Variants in PTGFRN observed in about 807,000 individuals in gnomAD.
PTGFRN encodes prostaglandin F2 receptor negative regulator.
A neutral mutation model predicts 83.2 loss-of-function variants in PTGFRN; 35 were observed. The ratio of observed to expected loss-of-function variants is 0.42; its 90% CI spans 0.32 to 0.56. The LOEUF is 0.56. Among genes scored for constraint, PTGFRN ranks in the 20% least tolerant of loss-of-function variants. The probability of loss-of-function intolerance (pLI) is 0.11; values close to 1 mark genes in which losing one functional copy is unlikely to be tolerated. For missense variants in PTGFRN, 1,051 were observed against 1,179.5 expected (o/e 0.89, Z 1.60); for synonymous variants, 519 against 498.6 (o/e 1.04, Z -0.55).
At position 116,986,701 on chromosome 1, in the gene PTGFRN, T is replaced by G. The variant is rs1651496504; in HGVS notation, c.2474-100T>G. On this transcript the variant is annotated intron_variant, in intron 8 of 8. Transcript: ENST00000393203. ...TGCAGGAGGAATGAGACCTTATCTC[T>G]CGGGAGATCCTGCTCCAGTGGGGAA... 9 of 1,206,092 alleles carry G rather than the reference T, an allele frequency of 7.5e-6. No homozygotes were observed. The Admixed American group carries it at 9.5e-5, about 13-fold the overall frequency. 74.7% of individuals were successfully genotyped at this position (1,206,092 alleles called of 1,614,324 possible). A position where few individuals can be genotyped will look rare whatever the true frequency, so the allele number is the denominator to read the frequency against.
intron 6 of PTGFRN, among the ~76,000 whole-genome samples, chr1:116,970,347 A>G (rs1570673956): frequency 6.6e-6 from 1 of 152,000 alleles, no homozygotes; most frequent in African/African-American, 2.4e-5. Flanking sequence ...TGTCATGGAA[A>G]GGTGTTGAAT....
chr1:116,977,127 G>A (rs894005659), intron 7 of PTGFRN, among the ~76,000 whole-genome samples: 2 of 151,734 alleles, frequency 1.3e-5, no homozygotes, highest in African/African-American at 4.8e-5. Context: ...AGACAAAGAA[G>A]GCCATTACAT....
intron 4 of PTGFRN, among the ~76,000 whole-genome samples, chr1:116,959,643 T>C (rs1650591704): frequency 6.6e-6 from 1 of 152,162 alleles, no homozygotes; most frequent in South Asian, 2.1e-4. Flanking sequence ...TAGTATTATT[T>C]TTCTCCCAGA....
At chr1:116,981,775 C>T (rs2101090892) in intron 7 of PTGFRN, among the ~76,000 whole-genome samples, 1 of 152,376 alleles carries the variant, frequency 6.6e-6, no homozygotes, top group African/African-American at 2.4e-5. Flanking sequence ...ATGGGCATAG[C>T]TGTGTTCAGT....
intron 1 of PTGFRN, among the ~76,000 whole-genome samples, chr1:116,928,605 T>A (rs1172792245): frequency 6.6e-6 from 1 of 152,216 alleles, no homozygotes; most frequent in Non-Finnish European, 1.5e-5. Context: ...CATCTGAGAT[T>A]CCAGCAAAGT....
intron 7 of PTGFRN, among the ~76,000 whole-genome samples, chr1:116,982,850 C>G (rs1557751314): frequency 1.3e-5 from 2 of 152,168 alleles, no homozygotes; most frequent in African/African-American, 4.8e-5. Context: ...TTCCATCAGC[C>G]TAAGCCCGGC....
rs1557954329 is a variant in PTGFRN, at chr1:116,910,229, T to TGCTGCTGGC, written c.30_38dup (p.Ala12_Leu14dup). The TGCTGCTGGC allele has an allele frequency of 1.0e-5, 15 of 1,455,478 alleles. No individual in the cohort carries two copies. Among genetic ancestry groups the TGCTGCTGGC allele is most frequent in the Non-Finnish European group, 1.4e-5 (15 of 1,110,640 alleles). 90.2% of individuals were successfully genotyped at this position (1,455,478 alleles called of 1,614,324 possible). A position where few individuals can be genotyped will look rare whatever the true frequency, so the allele number is the denominator to read the frequency against. ...ATGGGGCGCCTGGCCTCGAGGCCGC[T>TGCTGCTGGC]GCTGCTGGCGCTCCTGTCGTTGGGT... On this transcript the variant is annotated inframe_insertion, in exon 1 of 9. Coordinates refer to ENST00000393203, the MANE Select transcript of PTGFRN (RefSeq NM_020440.4).
intron 1 of PTGFRN, among the ~76,000 whole-genome samples, chr1:116,916,553 G>T (rs116004327): frequency 0.013 from 1,967 of 152,306 alleles, 32 homozygotes; most frequent in South Asian, 0.016. Flanking sequence ...TTTCAGGTGG[G>T]TTGTCATGAT....
At chr1:116,985,810 A>G (rs1651460110) in intron 8 of PTGFRN, among the ~76,000 whole-genome samples, 1 of 152,150 alleles carries the variant, frequency 6.6e-6, no homozygotes, top group Non-Finnish European at 1.5e-5. Flanking sequence ...TTGGCCCACG[A>G]TGAACACCAG....
chr1:116,972,509 C>G (rs1319203943), intron 6 of PTGFRN, among the ~76,000 whole-genome samples: 1 of 152,108 alleles, frequency 6.6e-6, no homozygotes, highest in East Asian at 1.9e-4. Flanking sequence ...AAAATATAGC[C>G]CTTTCATCAT....
At chr1:116,934,613 T>C (rs1405836847) in intron 1 of PTGFRN, among the ~76,000 whole-genome samples, 1 of 152,198 alleles carries the variant, frequency 6.6e-6, no homozygotes, top group Non-Finnish European at 1.5e-5. Context: ...AAATTAATTA[T>C]AGTTAGTTTA....
At chr1:116,976,246 A>C (rs1651152712) in intron 7 of PTGFRN, among the ~76,000 whole-genome samples, 2 of 152,254 alleles carry the variant, frequency 1.3e-5, no homozygotes, top group African/African-American at 4.8e-5. Flanking sequence ...TCTGTGTCTG[A>C]TTGGTGTACC....
chr1:116,941,953 G>A lies in PTGFRN; in HGVS notation c.288G>A (p.Arg96=), dbSNP rs999372120. 1.9e-6 allele frequency: 3 copies of A among 1,614,068 alleles called. No individual in the cohort carries two copies. Among genetic ancestry groups the A allele is most frequent in the Non-Finnish European group, 2.5e-6 (3 of 1,180,040 alleles). Reference sequence around the variant, plus strand: ...AGAGGGGCGAGATCCTGTTAAGGCGGACTGCCAACGACGCCGTGGAGCTCC... The same window carrying A: ...AGAGGGGCGAGATCCTGTTAAGGCGAACTGCCAACGACGCCGTGGAGCTCC... The part of the protein sequence containing the change: ...RLQRGEILLR[R]TANDAVELHI... Residue 96 remains arginine, a synonymous_variant, in exon 2 of 9, where the codon CGG becomes CGA. Coordinates refer to ENST00000393203, the MANE Select transcript of PTGFRN (RefSeq NM_020440.4). This position sits in a 1 kb window ranked among gnomAD's most constrained non-coding sequence, Gnocchi z 5.0.
intron 6 of PTGFRN, 69 bp downstream of exon 6, chr1:116,967,399 T>G: frequency 6.8e-7 from 1 of 1,467,480 alleles, no homozygotes; most frequent in Non-Finnish European, 9.2e-7. Flanking sequence ...TCAGATGCCC[T>G]CATTTTTTAA....
At chr1:116,938,478 C>T (rs1406924833) in intron 1 of PTGFRN, among the ~76,000 whole-genome samples, 1 of 152,150 alleles carries the variant, frequency 6.6e-6, no homozygotes, top group African/African-American at 2.4e-5. Context: ...GGAACCTCCC[C>T]TTTTTATAAC....
chr1:116,971,945 C>G (rs1166981702), intron 6 of PTGFRN, among the ~76,000 whole-genome samples: 1 of 152,180 alleles, frequency 6.6e-6, no homozygotes, highest in Non-Finnish European at 1.5e-5. Context: ...AGAAAAGCCC[C>G]TCAGTGTAGT....
intron 1 of PTGFRN, among the ~76,000 whole-genome samples, chr1:116,927,422 G>A (rs1431779636): frequency 6.6e-6 from 1 of 151,836 alleles, no homozygotes; most frequent in East Asian, 1.9e-4. Flanking sequence ...TGCTTTACTA[G>A]TAAGAAGGAA....
intron 7 of PTGFRN, among the ~76,000 whole-genome samples, chr1:116,981,665 G>T (rs772477441): frequency 1.3e-5 from 2 of 152,258 alleles, no homozygotes; most frequent in Non-Finnish European, 2.9e-5. Flanking sequence ...AAGGACCTGG[G>T]TAGGAAATAT....
At chr1:116,955,710 A>G (rs1650469081) in intron 4 of PTGFRN, among the ~76,000 whole-genome samples, 3 of 152,228 alleles carry the variant, frequency 2.0e-5, no homozygotes, top group African/African-American at 7.2e-5. Flanking sequence ...TATTAAATTT[A>G]GTTCAATTCA....
Sources: gnomAD v4.1 joint callset for allele counts (sites outside exome capture counted in the v4.1 genomes callset) on GRCh38, gnomAD v4.1.1 for gene constraint, Gnocchi (gnomAD v3.1) non-coding constraint, MANE v1.5 for transcripts, NCBI Gene and HGNC (gene_info 2026-07-23, HGNC 2026-07-21) for gene names.